Variants in CTNNA3 observed in about 807,000 individuals in gnomAD.
The protein encoded by CTNNA3 is catenin alpha-3.
CTNNA3 carries 76 observed loss-of-function variants against 95.7 expected under a neutral mutation model. The ratio of observed to expected loss-of-function variants is 0.79; its 90% CI spans 0.66 to 0.96. The LOEUF (loss-of-function observed/expected upper bound fraction) is 0.96. CTNNA3 is among the 40% of genes least tolerant of loss of function. The probability of loss-of-function intolerance (pLI) is 0.00; values close to 1 mark genes in which losing one functional copy is unlikely to be tolerated. For synonymous variants in CTNNA3, 431 were observed against 374.4 expected (o/e 1.15, Z -1.74); for missense variants, 1,191 against 1,089.8 (o/e 1.09, Z -1.31).
intron 7 of CTNNA3, among the ~76,000 whole-genome samples, chr10:66,813,775 AAGTCGGAAGGGGC>A (rs1469571864): frequency 1.3e-5 from 2 of 152,038 alleles, no homozygotes; most frequent in Non-Finnish European, 2.9e-5. Flanking sequence ...TCTAAGTATA[AAGTCGGAAGGGGC>A]AGAATCAGAT....
chr10:67,282,595 A>G (rs1839442553), intron 5 of CTNNA3, among the ~76,000 whole-genome samples: 1 of 152,234 alleles, frequency 6.6e-6, no homozygotes, highest in African/African-American at 2.4e-5. Context: ...TACAAATTAC[A>G]TCTTTAAACA....
chr10:66,371,120 G>A (rs10997094), intron 12 of CTNNA3, among the ~76,000 whole-genome samples: 53,559 of 151,686 alleles, frequency 0.35, 11,012 homozygotes, highest in Non-Finnish European at 0.46. Context: ...TACCCATTCC[G>A]TTGGATTTAA....
At chr10:66,547,646 T>A (rs1172150921) in intron 10 of CTNNA3, among the ~76,000 whole-genome samples, 1 of 151,842 alleles carries the variant, frequency 6.6e-6, no homozygotes, top group African/African-American at 2.4e-5. Flanking sequence ...CCAGCCTGAT[T>A]TTTCTATATG....
intron 13 of CTNNA3, among the ~76,000 whole-genome samples, chr10:66,134,829 G>A (rs545934940): frequency 3.3e-5 from 4 of 121,476 alleles, no homozygotes; most frequent in Admixed American, 9.3e-5. Flanking sequence ...AATAAGAATT[G>A]ATCCTAATAG....
intron 7 of CTNNA3, among the ~76,000 whole-genome samples, chr10:66,915,501 G>A (rs1233035826): frequency 6.6e-6 from 1 of 151,824 alleles, no homozygotes; most frequent in Non-Finnish European, 1.5e-5. Context: ...TCTATTAGTG[G>A]AAGGTGCTTC....
intron 12 of CTNNA3, among the ~76,000 whole-genome samples, chr10:66,309,685 CAAAAAAAAAAAA>C (rs60400266): frequency 4.8e-5 from 2 of 41,770 alleles, no homozygotes; most frequent in Non-Finnish European, 8.5e-5. Context: ...GACTCCGTCT[CAAAAAAAAAAAA>C]AAAAAAAAAA....
intron 9 of CTNNA3, among the ~76,000 whole-genome samples, chr10:66,628,555 T>C (rs560906488): frequency 1.3e-5 from 2 of 152,200 alleles, no homozygotes; most frequent in South Asian, 4.2e-4. Flanking sequence ...TGAATATGGG[T>C]GTGGAAATAA....
At chr10:65,977,964 T>C (rs901346844) in intron 16 of CTNNA3, among the ~76,000 whole-genome samples, 3 of 152,108 alleles carry the variant, frequency 2.0e-5, no homozygotes, top group Admixed American at 2.0e-4. Context: ...GTTCATGACT[T>C]TTCCCATCCC....
At chr10:66,645,512 T>C (rs2132394516) in intron 9 of CTNNA3, among the ~76,000 whole-genome samples, 1 of 152,260 alleles carries the variant, frequency 6.6e-6, no homozygotes, top group African/African-American at 2.4e-5. Flanking sequence ...CAAAAATGTG[T>C]TGAATATACA....
intron 5 of CTNNA3, among the ~76,000 whole-genome samples, chr10:67,431,230 A>G (rs1846101436): frequency 6.6e-6 from 1 of 152,000 alleles, no homozygotes; most frequent in Non-Finnish European, 1.5e-5. Context: ...TGAAATGGAA[A>G]AGGATGGTGG....
At chr10:67,294,189 T>C (rs1839946232) in intron 5 of CTNNA3, among the ~76,000 whole-genome samples, 2 of 152,154 alleles carry the variant, frequency 1.3e-5, no homozygotes, top group Admixed American at 1.3e-4. Flanking sequence ...TGTTTGGCAC[T>C]CAGTGGCACT....
chr10:66,543,905 GTGTGTGTATATATATATA>G (rs373300376), intron 10 of CTNNA3, among the ~76,000 whole-genome samples: 16,660 of 102,118 alleles, frequency 0.16, 1,651 homozygotes, highest in Middle Eastern at 0.4. Flanking sequence ...TGAGATGTGT[GTGTGTGTATATATATATA>G]TATATATATA....
intron 5 of CTNNA3, among the ~76,000 whole-genome samples, chr10:67,477,178 C>T (rs890038712): frequency 1.3e-5 from 2 of 151,982 alleles, no homozygotes; most frequent in African/African-American, 2.4e-5. Context: ...TAGGCTGCTC[C>T]CTCTCTCCCT....
chr10:66,046,560 T>C (rs577063982), intron 15 of CTNNA3, among the ~76,000 whole-genome samples: 37 of 151,700 alleles, frequency 2.4e-4, no homozygotes, highest in African/African-American at 8.5e-4. Context: ...CTGAAAAAAT[T>C]AGAGAAGCAA....
rs1215899395 is a variant in CTNNA3 at position 65,916,804 on chromosome 10, C to T, written c.*3526G>A. On this transcript the variant is annotated 3_prime_UTR_variant, in exon 18 of 18. Coordinates refer to ENST00000433211, the MANE Select transcript of CTNNA3 (RefSeq NM_013266.4). ...TTGGTAGGAAATTGTTAGCAATTAA[C>T]AGAGGATACCTAGCCCAGAGGTGGG... 1 of 152,088 alleles carries T rather than the reference C, an allele frequency of 6.6e-6. No homozygotes were observed. The highest frequency in any genetic ancestry group is 6.6e-5 in the Admixed American group (1 of 15,252). 9.4% of individuals were successfully genotyped at this position (152,088 alleles called of 1,614,324 possible). A position where few individuals can be genotyped will look rare whatever the true frequency, so the allele number is the denominator to read the frequency against.
At chr10:66,199,352 T>TC (rs2087168945) in intron 13 of CTNNA3, among the ~76,000 whole-genome samples, 1 of 152,086 alleles carries the variant, frequency 6.6e-6, no homozygotes, top group Non-Finnish European at 1.5e-5. Context: ...TTAATATACT[T>TC]CCTTTCTGGT....
chr10:67,152,447 G>A (rs1242363230), intron 7 of CTNNA3, among the ~76,000 whole-genome samples: 4 of 152,100 alleles, frequency 2.6e-5, no homozygotes, highest in African/African-American at 4.8e-5. Context: ...CATACATTAC[G>A]TTTAGTGTCA....
At chr10:67,744,684 A>G (rs1841364175) in intron 1 of CTNNA3, among the ~76,000 whole-genome samples, 1 of 151,096 alleles carries the variant, frequency 6.6e-6, no homozygotes, top group South Asian at 2.1e-4. Flanking sequence ...GTTTCTGCAC[A>G]GCAAAAGAAA....
intron 13 of CTNNA3, among the ~76,000 whole-genome samples, chr10:66,241,717 A>C (rs748620184): frequency 2.7e-5 from 4 of 150,666 alleles, no homozygotes; most frequent in Non-Finnish European, 5.9e-5. Context: ...TTTGAATACC[A>C]GAGGTTGCCA....
Sources: gnomAD v4.1 joint callset for allele counts (sites outside exome capture counted in the v4.1 genomes callset) on GRCh38, gnomAD v4.1.1 for gene constraint, MANE v1.5 for transcripts, NCBI Gene and HGNC (gene_info 2026-07-23, HGNC 2026-07-21) for gene names.